The following GPC6 variants were observed in gnomAD, a reference collection of about 807,000 sequenced individuals.
GPC6 encodes the protein glypican 6.
In GPC6, 14 loss-of-function variants were observed where a neutral mutation model predicts 55.2. The observed-to-expected ratio is 0.25, with a 90% CI of 0.17 to 0.40. The LOEUF is 0.40. GPC6 is among the 10% of genes least tolerant of loss of function. GPC6 has a pLI of 1.00. For synonymous variants in GPC6, 278 were observed against 259.6 expected (o/e 1.07, Z -0.68); for missense variants, 641 against 708.5 (o/e 0.90, Z 1.08).
chr13:94,387,331 T>A (rs1313486023), intron 7 of GPC6, among the ~76,000 whole-genome samples: 2 of 152,186 alleles, frequency 1.3e-5, no homozygotes, highest in Non-Finnish European at 2.9e-5. Context: ...AAATTGCAAG[T>A]GTGCCCAATC....
intron 1 of GPC6, among the ~76,000 whole-genome samples, chr13:93,378,046 A>C (rs1374376238): frequency 1.3e-5 from 2 of 152,202 alleles, no homozygotes; most frequent in Admixed American, 6.5e-5. Context: ...ATTTGCATTC[A>C]AAATCATGGC....
chr13:93,679,533 G>C (rs978305158), intron 2 of GPC6, among the ~76,000 whole-genome samples: 2 of 152,094 alleles, frequency 1.3e-5, no homozygotes, highest in African/African-American at 2.4e-5. Flanking sequence ...TTTTGACCTG[G>C]AATATCTCTA....
intron 8 of GPC6, among the ~76,000 whole-genome samples, chr13:94,402,209 C>T (rs1881167570): frequency 6.6e-6 from 1 of 152,158 alleles, no homozygotes; most frequent in Admixed American, 6.5e-5. Flanking sequence ...CTCTCATTTC[C>T]TATTTGTAGA....
chr13:94,271,404 A>ACACT (rs1254977192), intron 4 of GPC6, among the ~76,000 whole-genome samples: 2 of 151,192 alleles, frequency 1.3e-5, no homozygotes, highest in Non-Finnish European at 3.0e-5. Context: ...ACACACACAC[A>ACACT]CACACTCCAT....
chr13:93,813,151 C>T (rs1594479150), intron 2 of GPC6, among the ~76,000 whole-genome samples: 1 of 152,026 alleles, frequency 6.6e-6, no homozygotes, highest in East Asian at 1.9e-4. Context: ...TAATTTTAAC[C>T]TCATAAAATG....
At chr13:93,659,787 G>A (rs1262018163) in intron 2 of GPC6, among the ~76,000 whole-genome samples, 2 of 151,858 alleles carry the variant, frequency 1.3e-5, no homozygotes, top group African/African-American at 4.8e-5. Flanking sequence ...ATTTTATTTA[G>A]GTAATCTAAC....
At chr13:93,602,711 A>G (rs1878069126) in intron 2 of GPC6, among the ~76,000 whole-genome samples, 1 of 152,228 alleles carries the variant, frequency 6.6e-6, no homozygotes, top group Non-Finnish European at 1.5e-5. Context: ...CATACATGGC[A>G]TACTTCTTTC....
intron 3 of GPC6, among the ~76,000 whole-genome samples, chr13:93,867,155 C>T (rs1888989907): frequency 6.6e-6 from 1 of 151,550 alleles, no homozygotes; most frequent in African/African-American, 2.4e-5. Flanking sequence ...CCAGGATATC[C>T]CCAATTCATG....
At chr13:94,365,744 A>C (rs1008611951) in intron 6 of GPC6, among the ~76,000 whole-genome samples, 1 of 152,236 alleles carries the variant, frequency 6.6e-6, no homozygotes, top group Non-Finnish European at 1.5e-5. Context: ...TCATGTTTGC[A>C]ATATCTTACG....
chr13:93,595,486 A>G (rs1877684770), intron 2 of GPC6, among the ~76,000 whole-genome samples: 1 of 152,180 alleles, frequency 6.6e-6, no homozygotes, highest in African/African-American at 2.4e-5. Context: ...CTAGGCTGTT[A>G]TTTGGTATAC....
chr13:94,019,932 A>C (rs1353728148), intron 3 of GPC6, among the ~76,000 whole-genome samples: 1 of 152,040 alleles, frequency 6.6e-6, no homozygotes, highest in East Asian at 1.9e-4. Context: ...CTAGCTGAAA[A>C]TTGGTCGATT....
intron 3 of GPC6, among the ~76,000 whole-genome samples, chr13:93,916,355 G>C (rs1012565792): frequency 1.3e-5 from 2 of 152,086 alleles, no homozygotes; most frequent in Admixed American, 6.6e-5. Context: ...TTGGTGGCTT[G>C]GTGTTAAGGG....
chr13:94,264,812 C>T (rs1017837633), intron 4 of GPC6, among the ~76,000 whole-genome samples: 7 of 152,224 alleles, frequency 4.6e-5, no homozygotes, highest in Non-Finnish European at 1.0e-4. Context: ...TTAATAGACT[C>T]ACAGTTCCAC....
chr13:94,351,499 G>A (rs541835392), intron 6 of GPC6, among the ~76,000 whole-genome samples: 1 of 152,170 alleles, frequency 6.6e-6, no homozygotes, highest in Middle Eastern at 3.4e-3. Flanking sequence ...CCACAGAGAT[G>A]AGATGACACA....
intron 4 of GPC6, among the ~76,000 whole-genome samples, chr13:94,242,210 T>A (rs1312421894): frequency 2.6e-5 from 4 of 152,004 alleles, no homozygotes; most frequent in Admixed American, 1.3e-4. Flanking sequence ...AGAATGATGG[T>A]TTCCAGCTTC....
At chr13:94,270,812 G>A (rs1891969237) in intron 4 of GPC6, among the ~76,000 whole-genome samples, 1 of 151,952 alleles carries the variant, frequency 6.6e-6, no homozygotes, top group Admixed American at 6.6e-5. Flanking sequence ...CTTTTCCATG[G>A]GAAGTTCTGA....
At chr13:93,558,765 G>A (rs979159936) in intron 2 of GPC6, among the ~76,000 whole-genome samples, 1 of 152,140 alleles carries the variant, frequency 6.6e-6, no homozygotes, top group Admixed American at 6.6e-5. Flanking sequence ...GTTGAACAAC[G>A]ACTAACAGGT....
intron 3 of GPC6, among the ~76,000 whole-genome samples, chr13:93,882,215 C>T (rs141067197): frequency 6.6e-6 from 1 of 151,852 alleles, no homozygotes; most frequent in East Asian, 1.9e-4. Context: ...AGTGCAGTGG[C>T]ATGATCTCAA....
chr13:93,778,877 G>T (rs1006238192), intron 2 of GPC6, among the ~76,000 whole-genome samples: 3 of 152,170 alleles, frequency 2.0e-5, no homozygotes, highest in East Asian at 1.9e-4. Flanking sequence ...GGCCAATGAG[G>T]TTATGGCCAT....
Sources: allele counts gnomAD v4.1 joint callset (sites outside exome capture counted in the v4.1 genomes callset), GRCh38; gene constraint gnomAD v4.1.1; transcripts MANE v1.5; gene names NCBI Gene and HGNC (gene_info 2026-07-23, HGNC 2026-07-21).